The following ESR1 variants were observed in gnomAD, a reference collection of about 807,000 sequenced individuals.
ESR1 encodes the protein estrogen receptor 1.
In ESR1, 12 loss-of-function variants were observed where a neutral mutation model predicts 52.7. That is an observed-to-expected ratio of 0.23 (90% confidence interval 0.15 to 0.37). ESR1 has a LOEUF of 0.37. Ranked by LOEUF, ESR1 falls within the 10% of genes least tolerant of loss-of-function variation. The pLI is 1.00. For synonymous variants in ESR1, 305 were observed against 316.8 expected (o/e 0.96, Z 0.39); for missense variants, 584 against 779.7 (o/e 0.75, Z 2.99).
In ESR1 at chr6:151,951,824, C is replaced by T. The variant is rs76835190; in HGVS notation, c.1096+7316C>T. On this transcript the variant is annotated intron_variant, in intron 4 of 7. Coordinates refer to ENST00000206249, the MANE Select transcript of ESR1 (RefSeq NM_000125.4). ...AGCCGTTTTCCTCTTTGTCCCTTTA[C>T]CATCAAGCTCAGTTGCTTCTCCTAC... Among the ~76,000 whole-genome samples the T allele has an allele frequency of 5.7e-4, 87 of 152,326 alleles. 2 individuals carry two copies. The East Asian group carries it at 0.016, about 27-fold the overall frequency.
rs532091229 is a variant in ESR1, at chr6:151,780,102, GAGTTCCACA to G, written c.-70-27727_-70-27719del. Among the ~76,000 whole-genome samples the G allele has an allele frequency of 8.3e-3, 1,255 of 151,946 alleles. 13 individuals are homozygous for G. The highest frequency in any genetic ancestry group is 0.028 in the African/African-American group (1,179 of 41,400). ...TGGGTGAGTTCCATAATGAGTGGGTGAGTTCCACAAGTTCCACAAGTTTCACAAGTGGGT... is the reference window on the plus strand; with the variant it reads ...TGGGTGAGTTCCATAATGAGTGGGTGAGTTCCACAAGTTTCACAAGTGGGT... On this transcript the variant is annotated intron_variant, in intron 2 of 2. Transcript: ENST00000404742.
intron 4 of ESR1, among the ~76,000 whole-genome samples, chr6:151,982,604 C>G (rs2040100085): frequency 6.6e-6 from 1 of 151,446 alleles, no homozygotes; most frequent in Non-Finnish European, 1.5e-5. Context: ...CCTGCCTCAG[C>G]CTCCTGAGTA....
rs150547091 is a variant in ESR1, at chr6:152,098,933, G to A, written c.1755G>A (p.Thr585=). ...ATTCCTTGCAAAAGTATTACATCAC[G>A]GGGGAGGCAGAGGGTTTCCCTGCCA... ...SSHSLQKYYI[T]GEAEGFPATV is the part of the protein sequence containing the mutation. Residue 585 remains threonine, a synonymous_variant, in exon 8 of 8, where the codon ACG becomes ACA. Coordinates refer to ENST00000206249, the MANE Select transcript of ESR1 (RefSeq NM_000125.4). This position sits in a 1 kb window ranked among gnomAD's most constrained non-coding sequence, Gnocchi z 5.1. 137 of 1,614,138 alleles carry A rather than the reference G, an allele frequency of 8.5e-5. No individual in the cohort carries two copies. The highest frequency in any genetic ancestry group is 5.4e-4 in the South Asian group (49 of 91,074).
At position 152,045,988 on chromosome 6, in the gene ESR1, AGATCTAG is replaced by A. The variant is rs554649612; in HGVS notation, c.1236-15001_1236-14995del. 2.5e-3 allele frequency among the ~76,000 whole-genome samples: 382 copies of A among 152,308 alleles called. 2 individuals carry two copies. The highest frequency in any genetic ancestry group is 8.9e-3 in the African/African-American group (369 of 41,552). On this transcript the variant is annotated intron_variant, in intron 5 of 7. Coordinates refer to ENST00000206249, the MANE Select transcript of ESR1 (RefSeq NM_000125.4). Reference sequence around the variant, plus strand: ...TATTTTAGAACTGGAATAACACCTGAGATCTAGGCCAGCACTTTGCAAGTTGTGCTCT... The same window carrying A: ...TATTTTAGAACTGGAATAACACCTGAGCCAGCACTTTGCAAGTTGTGCTCT...
In ESR1 at chr6:151,850,021, TACAA is replaced by T. The variant is rs1310626625; in HGVS notation, c.643+7236_643+7239del. 7.0e-4 allele frequency among the ~76,000 whole-genome samples: 91 copies of T among 129,142 alleles called. No individual in the cohort carries two copies. In the East Asian group the frequency reaches 9.2e-3, roughly 13 times the overall value. 84.7% of individuals were successfully genotyped at this position (129,142 alleles called of 152,430 possible). On this transcript the variant is annotated intron_variant, in intron 2 of 7. Coordinates refer to ENST00000206249, the MANE Select transcript of ESR1 (RefSeq NM_000125.4). ...ATATATATATAATTTTGTATATATA[TACAA>T]AATTATATATATATATAATTTTATA... is the stretch of plus-strand genomic sequence containing the variant.
At chr6:152,125,473 G>C in exon 7 of ESR1, 2 of 1,281,078 alleles carry the variant, frequency 1.6e-6, no homozygotes, top group Admixed American at 5.6e-5. Context: ...CTGGCCTTCA[G>C]TTTTCTCATT....
intron 2 of ESR1, among the ~76,000 whole-genome samples, chr6:151,735,549 T>C (rs1447496202): frequency 6.6e-6 from 1 of 152,118 alleles, no homozygotes; most frequent in African/African-American, 2.4e-5. Context: ...TGGGAGGTAC[T>C]TGGTTGTTTG....
At chr6:151,958,378 A>G (rs1170191461) in intron 4 of ESR1, among the ~76,000 whole-genome samples, 1 of 152,170 alleles carries the variant, frequency 6.6e-6, no homozygotes, top group East Asian at 1.9e-4. Flanking sequence ...TGAGTTAGGG[A>G]TTATTTTTGT....
chr6:151,842,484 C>A, intron 1 of ESR1, 113 bp from the exon 2 acceptor site: 1 of 970,228 alleles, frequency 1.0e-6, no homozygotes. Context: ...GATTAGCTTA[C>A]ATTATGATTC....
At chr6:151,666,700 C>T (rs891110671) in intron 1 of ESR1, among the ~76,000 whole-genome samples, 2 of 56,570 alleles carry the variant, frequency 3.5e-5, no homozygotes, top group African/African-American at 2.8e-4. Flanking sequence ...CCATCCCCCT[C>T]CTCCTCCTCC....
chr6:151,955,720 T>TA (rs1418971232), intron 4 of ESR1, among the ~76,000 whole-genome samples: 2 of 152,154 alleles, frequency 1.3e-5, no homozygotes, highest in African/African-American at 4.8e-5. Flanking sequence ...AACTGTTATT[T>TA]AAAAAAAGTA....
chr6:151,724,108 G>C (rs149770381), intron 2 of ESR1, among the ~76,000 whole-genome samples: 265 of 152,194 alleles, frequency 1.7e-3, no homozygotes, highest in African/African-American at 6.2e-3. Flanking sequence ...CTAACTACGG[G>C]ACCCCAGATA....
chr6:151,850,096 T>G (rs1442177191), intron 2 of ESR1, among the ~76,000 whole-genome samples: 3 of 5,812 alleles, frequency 5.2e-4, no homozygotes, highest in African/African-American at 1.9e-3. Flanking sequence ...ATATATAATT[T>G]TATATATATA....
chr6:152,036,495 T>C (rs1339140047), intron 5 of ESR1, among the ~76,000 whole-genome samples: 3 of 152,236 alleles, frequency 2.0e-5, no homozygotes, highest in Admixed American at 6.5e-5. Flanking sequence ...TCAAATATTA[T>C]GCTGAGAATA....
upstream of ESR1, among the ~76,000 whole-genome samples, chr6:151,803,469 G>C (rs1364143031): frequency 2.0e-5 from 3 of 152,176 alleles, no homozygotes; most frequent in African/African-American, 7.2e-5. Context: ...CTGAAGCATA[G>C]GTTACAGTCG....
intron 2 of ESR1, among the ~76,000 whole-genome samples, chr6:151,877,650 G>C (rs1237104982): frequency 6.6e-6 from 1 of 152,168 alleles, no homozygotes; most frequent in Non-Finnish European, 1.5e-5. Flanking sequence ...GCAAACATGA[G>C]ACTCAGCCAA....
At position 151,808,002 on chromosome 6, in the gene ESR1, G is replaced by A. The variant is rs1246892882; in HGVS notation, c.90G>A (p.Gln30=). ...AGCTGGAGCCCCTGAACCGTCCGCA[G>A]CTCAAGATCCCCCTGGAGCGGCCCC... ...GNELEPLNRP[Q]LKIPLERPLG... Residue 30 remains glutamine, a synonymous_variant, in exon 1 of 8, where the codon CAG becomes CAA. Transcript: ENST00000206249. 6.2e-7 allele frequency: 1 copy of A among 1,613,956 alleles called. No homozygotes were observed. Among genetic ancestry groups the A allele is most frequent in the Non-Finnish European group, 8.5e-7 (1 of 1,179,974 alleles).
At chr6:151,819,334 C>T (rs1780179207) in intron 1 of ESR1, among the ~76,000 whole-genome samples, 1 of 152,160 alleles carries the variant, frequency 6.6e-6, no homozygotes, top group East Asian at 1.9e-4. Flanking sequence ...GCAGCAGTCC[C>T]CAGCCTCTGG....
chr6:151,974,942 A>G (rs770175305), intron 4 of ESR1, among the ~76,000 whole-genome samples: 18 of 152,212 alleles, frequency 1.2e-4, no homozygotes, highest in Non-Finnish European at 1.9e-4. Flanking sequence ...ACACAGCGGA[A>G]GTCAGCTATT....
Sources: gnomAD v4.1 joint callset for allele counts (sites outside exome capture counted in the v4.1 genomes callset) on GRCh38, gnomAD v4.1.1 for gene constraint, Gnocchi (gnomAD v3.1) non-coding constraint, MANE v1.5 for transcripts, NCBI Gene and HGNC (gene_info 2026-07-23, HGNC 2026-07-21) for gene names.